Variants in NR3C2 observed in about 807,000 individuals in gnomAD.
NR3C2 encodes nuclear receptor subfamily 3 group C member 2.
A neutral mutation model predicts 86.4 loss-of-function variants in NR3C2; 15 were observed. The observed-to-expected ratio is 0.17, with a 90% CI of 0.12 to 0.27. The LOEUF (loss-of-function observed/expected upper bound fraction) is 0.27. Ranked by LOEUF, NR3C2 falls within the 10% of genes least tolerant of loss-of-function variation. The pLI, the probability that NR3C2 is intolerant of heterozygous loss-of-function variation, is 1.00. For missense variants in NR3C2, 960 were observed against 1,195.6 expected, an observed-to-expected ratio of 0.80 and a Z score of 2.91; for synonymous variants, 458 against 450.5, an observed-to-expected ratio of 1.02 and a Z score of -0.21.
chr4:148,293,414 G>A (rs1481915936), intron 2 of NR3C2, among the ~76,000 whole-genome samples: 4 of 152,174 alleles, frequency 2.6e-5, no homozygotes, highest in African/African-American at 7.2e-5. Context: ...TTTAGAGACA[G>A]TAATTATTCA....
chr4:148,443,222 C>CAAAAAAAAAAAAAAAA (rs59506438), upstream of NR3C2, among the ~76,000 whole-genome samples: 6 of 40,978 alleles, frequency 1.5e-4, no homozygotes, highest in African/African-American at 3.8e-4. Context: ...CCCCTAACAC[C>CAAAAAAAAAAAAAAAA]AAAAAAAAAA....
At chr4:148,387,443 C>A (rs1483566350) in intron 2 of NR3C2, among the ~76,000 whole-genome samples, 1 of 152,202 alleles carries the variant, frequency 6.6e-6, no homozygotes, top group African/African-American at 2.4e-5. Context: ...CTGTTACATA[C>A]AGCTGGAATT....
At chr4:148,425,937 A>G (rs1749507850) in intron 2 of NR3C2, among the ~76,000 whole-genome samples, 1 of 152,144 alleles carries the variant, frequency 6.6e-6, no homozygotes, top group Non-Finnish European at 1.5e-5. Flanking sequence ...TCACAGTTAA[A>G]TATTTAACTC....
At chr4:148,197,541 G>GA (rs886996041) in intron 3 of NR3C2, among the ~76,000 whole-genome samples, 2 of 151,924 alleles carry the variant, frequency 1.3e-5, no homozygotes, top group African/African-American at 4.8e-5. Flanking sequence ...ATACAGAATG[G>GA]AAAAAAATGG....
chr4:148,169,711 CTA>C (rs1210538988), intron 4 of NR3C2, among the ~76,000 whole-genome samples: 2 of 152,126 alleles, frequency 1.3e-5, no homozygotes, highest in African/African-American at 4.8e-5. Context: ...AAGCCAAAGA[CTA>C]TGAAAACAGA....
intron 8 of NR3C2, among the ~76,000 whole-genome samples, chr4:148,111,797 C>A (rs74342764): frequency 0.027 from 4,184 of 152,222 alleles, 188 homozygotes; most frequent in African/African-American, 0.094. Flanking sequence ...AATCTCGATT[C>A]ACAGAGCGAT....
chr4:148,098,317 C>T (rs1004134489), intron 8 of NR3C2, among the ~76,000 whole-genome samples: 3 of 152,192 alleles, frequency 2.0e-5, no homozygotes, highest in Non-Finnish European at 2.9e-5. Flanking sequence ...TGGCCAATAG[C>T]ACTGTAACTC....
At chr4:148,398,408 AC>A (rs1462407224) in intron 2 of NR3C2, among the ~76,000 whole-genome samples, 14 of 152,182 alleles carry the variant, frequency 9.2e-5, no homozygotes, top group African/African-American at 3.4e-4. Context: ...TGATCAGTGT[AC>A]CCTTAAAGTA....
At chr4:148,407,791 G>T (rs1022929578) in intron 2 of NR3C2, among the ~76,000 whole-genome samples, 22 of 152,050 alleles carry the variant, frequency 1.4e-4, no homozygotes, top group African/African-American at 5.1e-4. Context: ...TTGAAGTACT[G>T]TAAAATGGCA....
intron 3 of NR3C2, among the ~76,000 whole-genome samples, chr4:148,227,938 C>G (rs1236618810): frequency 6.6e-6 from 1 of 152,134 alleles, no homozygotes; most frequent in African/African-American, 2.4e-5. Flanking sequence ...CTTAAAGATC[C>G]TGACTCTTTT....
chr4:148,382,343 T>C (rs1021950349), intron 2 of NR3C2, among the ~76,000 whole-genome samples: 11 of 152,210 alleles, frequency 7.2e-5, no homozygotes, highest in South Asian at 2.1e-4. Flanking sequence ...AATAAGAATA[T>C]GGTCCGTGCA....
intron 3 of NR3C2, among the ~76,000 whole-genome samples, chr4:148,227,177 C>T (rs549704827): frequency 6.6e-6 from 1 of 152,090 alleles, no homozygotes; most frequent in South Asian, 2.1e-4. Context: ...GGTCTCCAAC[C>T]GACAGTCTCT....
At chr4:148,423,905 G>T (rs1158270590) in intron 2 of NR3C2, among the ~76,000 whole-genome samples, 1 of 152,100 alleles carries the variant, frequency 6.6e-6, no homozygotes, top group Non-Finnish European at 1.5e-5. Context: ...TAGAGACGGG[G>T]TTTCACCATG....
intron 8 of NR3C2, among the ~76,000 whole-genome samples, chr4:148,086,962 A>C (rs1730843249): frequency 6.6e-6 from 1 of 152,234 alleles, no homozygotes; most frequent in Admixed American, 6.5e-5. Flanking sequence ...AGGGTATTCA[A>C]ATAGGAAGAC....
chr4:148,410,142 C>T (rs1350620456), intron 2 of NR3C2, among the ~76,000 whole-genome samples: 1 of 152,038 alleles, frequency 6.6e-6, no homozygotes, highest in Non-Finnish European at 1.5e-5. Context: ...AAACCATGTC[C>T]AACTTTTAGA....
At chr4:148,082,745 C>A (rs181141258) in intron 8 of NR3C2, among the ~76,000 whole-genome samples, 60 of 148,616 alleles carry the variant, frequency 4.0e-4, no homozygotes, top group Non-Finnish European at 6.7e-4. Context: ...AGAAAGGGGG[C>A]CGAAGCCAAG....
intron 2 of NR3C2, among the ~76,000 whole-genome samples, chr4:148,283,731 C>T (rs1255947390): frequency 4.6e-5 from 7 of 152,182 alleles, no homozygotes; most frequent in Non-Finnish European, 1.5e-5. Flanking sequence ...TAAAAAATAA[C>T]ATAACTCATT....
At chr4:148,243,866 A>G (rs1217951231) in intron 3 of NR3C2, among the ~76,000 whole-genome samples, 1 of 152,212 alleles carries the variant, frequency 6.6e-6, no homozygotes, top group African/African-American at 2.4e-5. Flanking sequence ...CATTTCATTA[A>G]GAAAACTGCT....
At chr4:148,235,754 T>C (rs200698249) in intron 3 of NR3C2, among the ~76,000 whole-genome samples, 2 of 152,176 alleles carry the variant, frequency 1.3e-5, no homozygotes, top group East Asian at 3.8e-4. Context: ...TTTGTTGTTG[T>C]TGTGAAACAA....
Sources: gnomAD v4.1 joint callset for allele counts (sites outside exome capture counted in the v4.1 genomes callset) on GRCh38, gnomAD v4.1.1 for gene constraint, MANE v1.5 for transcripts, NCBI Gene and HGNC (gene_info 2026-07-23, HGNC 2026-07-21) for gene names.